The following SSC4D variants were observed in gnomAD, a reference collection of about 807,000 sequenced individuals.
The protein encoded by SSC4D is scavenger receptor cysteine-rich domain-containing group B protein.
A neutral mutation model predicts 63.4 loss-of-function variants in SSC4D; 57 were observed. The ratio of observed to expected loss-of-function variants is 0.90; its 90% CI spans 0.73 to 1.12. The LOEUF is 1.12. Ranked by LOEUF, SSC4D falls within the 50% of genes most tolerant of loss-of-function variation. SSC4D has a pLI of 0.00. For missense variants in SSC4D, 791 were observed against 806.4 expected (o/e 0.98, Z 0.23); for synonymous variants, 352 against 345.4 (o/e 1.02, Z -0.21).
At position 76,395,340 on chromosome 7, in the gene SSC4D, G is replaced by A. The variant is rs768443256; in HGVS notation, c.869-10C>T. 2 of 1,613,678 alleles carry A rather than the reference G, an allele frequency of 1.2e-6. No homozygotes were observed. The highest frequency in any genetic ancestry group is 1.7e-6 in the Non-Finnish European group (2 of 1,179,906). ...GTTGGGGGACCCAGGCCTAGGGCAG[G>A]AGAGAAGGGGGCAGGGTCAGAGGCT... is the stretch of plus-strand genomic sequence containing the variant. On this transcript the variant is annotated splice_polypyrimidine_tract_variant and intron_variant, in intron 6 of 10. Coordinates refer to ENST00000275560, the MANE Select transcript of SSC4D (RefSeq NM_080744.2).
chr7:76,402,700 G>A (rs1023525829), intron 2 of SSC4D, among the ~76,000 whole-genome samples: 6 of 151,618 alleles, frequency 4.0e-5, no homozygotes, highest in Admixed American at 1.3e-4. Context: ...ACGGAATTTC[G>A]CTCTTGTTGC....
At chr7:76,395,424 G>T in intron 6 of SSC4D, 94 bp from the exon 7 acceptor site, 3 of 1,307,606 alleles carry the variant, frequency 2.3e-6, no homozygotes, top group Non-Finnish European at 3.3e-6. Context: ...GGTCTGCCTG[G>T]AGGAGAGAAT....
In SSC4D at chr7:76,400,565, G is replaced by A. The variant is rs546644248; in HGVS notation, c.196C>T (p.Arg66Cys). ...ATGACTTCCAGGCGGCCCCGGCAGC[G>A]GCTGGGGCCCCCCACCAGCCTCAGC... The part of the protein sequence containing the change: ...QELRLVGGPS[R>C]CRGRLEVMHG... Residue 66 changes from arginine to cysteine, a missense_variant, in exon 4 of 11, where the codon CGC (arginine) becomes TGC (cysteine). Physicochemically the swap from Arg to Cys is radical, Grantham distance 180. Coordinates refer to ENST00000275560, the MANE Select transcript of SSC4D (RefSeq NM_080744.2). 11 of 1,490,710 alleles carry A rather than the reference G, an allele frequency of 7.4e-6. No individual in the cohort carries two copies. The highest frequency in any genetic ancestry group is 2.6e-5 in the South Asian group (2 of 75,812). The allele number at this position is 1,490,710 out of a possible 1,614,324, so 92.3% of individuals were successfully genotyped here.
intron 6 of SSC4D, among the ~76,000 whole-genome samples, chr7:76,395,996 A>T (rs909300773): frequency 1.3e-5 from 2 of 152,224 alleles, no homozygotes; most frequent in Non-Finnish European, 2.9e-5. Context: ...CGCCCAGCCC[A>T]TTATCCCCCT....
In SSC4D at chr7:76,402,412, C is replaced by A. The variant is rs192104041; in HGVS notation, c.134-1369G>T. Among the ~76,000 whole-genome samples, 501 of 152,098 alleles carry A rather than the reference C, an allele frequency of 3.3e-3. 1 individual carries two copies. Among genetic ancestry groups the A allele is most frequent in the Non-Finnish European group, 5.5e-3 (372 of 67,978 alleles). Reference sequence around the variant, plus strand: ...GGCCAGGCTAGTCTTGAACCCTTAACCTCAAGTGATCCGCCTGCCTCAGCC... The same window carrying A: ...GGCCAGGCTAGTCTTGAACCCTTAAACTCAAGTGATCCGCCTGCCTCAGCC... On this transcript the variant is annotated intron_variant, in intron 2 of 10. Coordinates refer to ENST00000275560, the MANE Select transcript of SSC4D (RefSeq NM_080744.2).
chr7:76,398,817 G>T lies in SSC4D; in HGVS notation c.476-20C>A. On this transcript the variant is annotated intron_variant, in intron 4 of 10. Transcript: ENST00000275560. ...AGAATTCTGGAAAGGAAGTGAAGTG[G>T]ATACAGGGGTCTTTCTGTTCTCCAT... is the stretch of plus-strand genomic sequence containing the variant. 6.2e-7 allele frequency: 1 copy of T among 1,610,148 alleles called. No individual in the cohort carries two copies. The highest frequency in any genetic ancestry group is 1.1e-5 in the South Asian group (1 of 90,960).
chr7:76,390,308 C>G lies in SSC4D; in HGVS notation c.1479G>C (p.Arg493=). The G allele has an allele frequency of 6.2e-7, 1 of 1,611,316 alleles. No individual in the cohort carries two copies. The highest frequency in any genetic ancestry group is 2.2e-5 in the East Asian group (1 of 44,720). Reference sequence around the variant, plus strand: ...AAGCATCATCACAGACAGTGCCCCACCGTTGCCCTAGGTAGAGCTCTACAC... The same window carrying G: ...AAGCATCATCACAGACAGTGCCCCAGCGTTGCCCTAGGTAGAGCTCTACAC... ...EGRVELYLGQ[R]WGTVCDDAWD... is the part of the protein sequence containing the mutation. The change falls in exon 11 of 11, where the codon CGG becomes CGC. Residue 493 remains arginine (R), a synonymous_variant. Coordinates refer to ENST00000275560, the MANE Select transcript of SSC4D (RefSeq NM_080744.2).
At chr7:76,392,198 C>T (rs1171409652) in intron 9 of SSC4D, among the ~76,000 whole-genome samples, 157 bp from the exon 10 acceptor site, 2 of 152,136 alleles carry the variant, frequency 1.3e-5, no homozygotes, top group Non-Finnish European at 2.9e-5. Context: ...ATCAGAAATG[C>T]GGGTTGTGTC....
intron 10 of SSC4D, among the ~76,000 whole-genome samples, chr7:76,391,643 G>T (rs1391118933): frequency 6.6e-6 from 1 of 151,958 alleles, no homozygotes; most frequent in East Asian, 1.9e-4. Flanking sequence ...TCCCCTGAAG[G>T]TCATCACGGT....
chr7:76,405,813 C>G (rs1805007315), intron 1 of SSC4D, among the ~76,000 whole-genome samples: 1 of 151,938 alleles, frequency 6.6e-6, no homozygotes, highest in Non-Finnish European at 1.5e-5. Context: ...TTGGCTCGGC[C>G]CAAACCATGA....
At position 76,400,628 on chromosome 7, in the gene SSC4D, G is replaced by A. The variant is rs756335400; in HGVS notation, c.170-37C>T. The A allele has an allele frequency of 1.5e-5, 21 of 1,426,050 alleles. No individual in the cohort carries two copies. In the East Asian group the frequency reaches 5.7e-4, roughly 39 times the overall value. 88.3% of individuals were successfully genotyped at this position (1,426,050 alleles called of 1,614,324 possible). A position where few individuals can be genotyped will look rare whatever the true frequency, so the allele number is the denominator to read the frequency against. On this transcript the variant is annotated intron_variant, in intron 3 of 10. Coordinates refer to ENST00000275560, the MANE Select transcript of SSC4D (RefSeq NM_080744.2). ...GTGGAGCTGGCACCAGGGGGTCACT[G>A]AGTCCAACCTCCAGCATGCCCACTC...
Position 76,397,642 on chromosome 7 carries a change from G to A in SSC4D, c.744C>T (p.Thr248=). 6.2e-7 allele frequency: 1 copy of A among 1,613,736 alleles called. No individual in the cohort carries two copies. ...GCACGTTGTCCAGCAGGATGTGTCC[G>A]GTGCCATAGCCGAAGAAGGCGTTGG... ...ATTNAFFGYG[T]GHILLDNVHC... The change falls in exon 6 of 11, where the codon ACC becomes ACT. Residue 248 remains threonine (T), a synonymous_variant. Coordinates refer to ENST00000275560, the MANE Select transcript of SSC4D (RefSeq NM_080744.2).
chr7:76,395,785 A>G (rs1419257197), intron 6 of SSC4D, among the ~76,000 whole-genome samples: 3 of 152,156 alleles, frequency 2.0e-5, no homozygotes, highest in Non-Finnish European at 4.4e-5. Flanking sequence ...TCCGCCTCCC[A>G]GGTTCAAGCG....
intron 1 of SSC4D, among the ~76,000 whole-genome samples, chr7:76,405,301 A>T (rs1445445607): frequency 0.026 from 1,165 of 45,180 alleles, 57 homozygotes; most frequent in African/African-American, 0.054. Flanking sequence ...ATATATATAT[A>T]TATATATATA....
chr7:76,393,553 T>TCCCGTAGCGCCCAGCGCAGG lies in SSC4D; in HGVS notation c.1165_1184dup (p.Gly397ArgfsTer31). 1.3e-6 allele frequency: 2 copies of TCCCGTAGCGCCCAGCGCAGG among 1,520,322 alleles called. No homozygotes were observed. Among genetic ancestry groups the TCCCGTAGCGCCCAGCGCAGG allele is most frequent in the South Asian group, 1.2e-5 (1 of 81,954 alleles). 94.2% of individuals were successfully genotyped at this position (1,520,322 alleles called of 1,614,324 possible). Reference sequence around the variant, plus strand: ...CGCGGCCGTAGCCGAAGTGGCCCAGTCCCGTAGCGCCCAGCGCAGGCCCGC... The same window carrying TCCCGTAGCGCCCAGCGCAGG: ...CGCGGCCGTAGCCGAAGTGGCCCAGTCCCGTAGCGCCCAGCGCAGGCCCGTAGCGCCCAGCGCAGGCCCGC... On this transcript the variant is annotated frameshift_variant, in exon 9 of 11. Transcript: ENST00000275560. LOFTEE classifies it high-confidence loss of function.
Position 76,397,723 on chromosome 7 carries a change from CG to C in SSC4D, c.662del (p.Pro221ArgfsTer200). ...GTVCDDDWGLPDAAVVCRQLG... is the reference protein window; with the variant it reads ...GTVCDDDWGLXDAAVVCRQLG... The stretch of plus-strand genomic sequence containing the variant: ...GCTGACGACAGACCACAGCGGCATC[CG>C]GCAGCCCCCAGTCGTCGTCACACAC... On this transcript the variant is annotated frameshift_variant, in exon 6 of 11. Coordinates refer to ENST00000275560, the MANE Select transcript of SSC4D (RefSeq NM_080744.2). LOFTEE classifies it high-confidence loss of function. 6.2e-7 allele frequency: 1 copy of C among 1,613,344 alleles called. No homozygotes were observed. Among genetic ancestry groups the C allele is most frequent in the Non-Finnish European group, 8.5e-7 (1 of 1,179,832 alleles).
At position 76,397,667 on chromosome 7, in the gene SSC4D, G is replaced by T. The variant is rs772435658; in HGVS notation, c.719C>A (p.Thr240Asn). The change falls in exon 6 of 11, where the codon ACC becomes AAC. Residue 240 changes from threonine to asparagine, a missense_variant. By Grantham distance (65) the Thr-to-Asn change is moderately conservative. Coordinates refer to ENST00000275560, the MANE Select transcript of SSC4D (RefSeq NM_080744.2). ...LGCGAAMAAT[T>N]NAFFGYGTGH... is the part of the protein sequence containing the mutation. ...GGTGCCATAGCCGAAGAAGGCGTTG[G>T]TGGTGGCGGCCATGGCCGCCCCGCA... 1.2e-6 allele frequency: 2 copies of T among 1,613,612 alleles called. No homozygotes were observed. The highest frequency in any genetic ancestry group is 1.7e-6 in the Non-Finnish European group (2 of 1,179,846).
rs151130668 is a variant in SSC4D, at chr7:76,398,747, G to A, written c.526C>T (p.Pro176Ser). Residue 176 changes from proline to serine, a missense_variant, in exon 5 of 11, where the codon CCT becomes TCT. Transcript: ENST00000275560. Reference protein sequence around the residue: ...PTRKMLTSRAPPTTLPNGKSE... With the variant: ...PTRKMLTSRASPTTLPNGKSE... ...TTTCCATTCGGCAGTGTCGTAGGAG[G>A]TGCTCTACTGGTTAACATCTTCCTT... 2 of 1,613,560 alleles carry A rather than the reference G, an allele frequency of 1.2e-6. No homozygotes were observed. The highest frequency in any genetic ancestry group is 1.7e-6 in the Non-Finnish European group (2 of 1,179,622).
chr7:76,391,822 C>G, intron 10 of SSC4D, 142 bp downstream of exon 10: 1 of 818,938 alleles, frequency 1.2e-6, no homozygotes, highest in South Asian at 1.5e-5. Flanking sequence ...ACAAAGGAGG[C>G]CTGAGACCAA....
Sources: allele counts gnomAD v4.1 joint callset (sites outside exome capture counted in the v4.1 genomes callset), GRCh38; gene constraint gnomAD v4.1.1; transcripts MANE v1.5; gene names NCBI Gene and HGNC (gene_info 2026-07-23, HGNC 2026-07-21).